The following RAB27A variants were observed in gnomAD, a reference collection of about 807,000 sequenced individuals.
RAB27A encodes RAB27A, member RAS oncogene family.
In RAB27A, 17 loss-of-function variants were observed where a neutral mutation model predicts 20.8. The observed-to-expected ratio is 0.82, with a 90% CI of 0.56 to 1.23. The LOEUF is 1.23. Ranked by LOEUF, RAB27A falls within the 50% of genes most tolerant of loss-of-function variation. The pLI is 0.00. For synonymous variants in RAB27A, 85 were observed against 92.8 expected (o/e 0.92, Z 0.48); for missense variants, 277 against 266.7 (o/e 1.04, Z -0.27).
In RAB27A at chr15:55,225,359, G is replaced by A. The variant is rs539920567; in HGVS notation, c.344-1347C>T. Among the ~76,000 whole-genome samples, 28 of 152,260 alleles carry A rather than the reference G, an allele frequency of 1.8e-4. 1 individual carries two copies. Among genetic ancestry groups the A allele is most frequent in the Non-Finnish European group, 3.1e-4 (21 of 68,016 alleles). On this transcript the variant is annotated intron_variant, in intron 5 of 6. Transcript: ENST00000336787. ...TGCCTCAATTTCCCCATCTGTAAATGGTGATAATGATACTACTTACTTTAT... is the reference window on the plus strand; with the variant it reads ...TGCCTCAATTTCCCCATCTGTAAATAGTGATAATGATACTACTTACTTTAT...
At chr15:55,250,426 T>C (rs1271770425) in intron 2 of RAB27A, among the ~76,000 whole-genome samples, 2 of 152,254 alleles carry the variant, frequency 1.3e-5, no homozygotes, top group African/African-American at 4.8e-5. Flanking sequence ...CCTATAATTA[T>C]TAGTTGAGAA....
Position 55,234,969 on chromosome 15 carries a change from C to T in RAB27A, c.-22-13G>A, listed in dbSNP as rs1255318459. On this transcript the variant is annotated splice_polypyrimidine_tract_variant and intron_variant, in intron 2 of 6. Coordinates refer to ENST00000336787, the MANE Select transcript of RAB27A (RefSeq NM_183235.3). ...CTCAGTAGTTCACCTGTAAAATACA[C>T]ACAAAATTTTTTAATTAAAATCCAT... The T allele has an allele frequency of 2.5e-6, 4 of 1,579,462 alleles. No individual in the cohort carries two copies. The South Asian group carries it at 4.5e-5, about 18-fold the overall frequency.
At chr15:55,233,325 T>C (rs181430177) in intron 3 of RAB27A, among the ~76,000 whole-genome samples, 1 of 151,914 alleles carries the variant, frequency 6.6e-6, no homozygotes, top group East Asian at 1.9e-4. Flanking sequence ...TTGTGAAAAA[T>C]TAAGATAATT....
intron 2 of RAB27A, among the ~76,000 whole-genome samples, chr15:55,309,491 T>C (rs768293241): frequency 3.3e-5 from 5 of 152,166 alleles, no homozygotes; most frequent in Non-Finnish European, 7.4e-5. Context: ...AGTGTCCAGG[T>C]ATGAGAACTG....
At chr15:55,277,559 C>G (rs1897909644) in intron 1 of RAB27A, among the ~76,000 whole-genome samples, 1 of 152,164 alleles carries the variant, frequency 6.6e-6, no homozygotes, top group Non-Finnish European at 1.5e-5. Flanking sequence ...GCAGCTATCC[C>G]TCACCACAGT....
Position 55,301,644 on chromosome 15 carries a change from T to TA in RAB27A, c.-112+12394_-112+12395insT, listed in dbSNP as rs2054972495. 2.5e-4 allele frequency among the ~76,000 whole-genome samples: 23 copies of TA among 93,300 alleles called. 1 individual carries two copies. The highest frequency in any genetic ancestry group is 2.4e-3 in the Admixed American group (20 of 8,306). 61.2% of individuals were successfully genotyped at this position (93,300 alleles called of 152,430 possible). A position where few individuals can be genotyped will look rare whatever the true frequency, so the allele number is the denominator to read the frequency against. ...CAGAACATTTTCATCACCCTAAAAA[T>TA]CTTTTTTTTTTTTTTTTTTTGAGGC... On this transcript the variant is annotated intron_variant, in intron 2 of 5. Transcript: ENST00000563262.
chr15:55,246,057 A>C (rs1896673234), intron 2 of RAB27A, among the ~76,000 whole-genome samples: 1 of 151,958 alleles, frequency 6.6e-6, no homozygotes, highest in Admixed American at 6.6e-5. Flanking sequence ...TGGGCGACAG[A>C]GTGAGACTTC....
rs1422125619 is a variant in RAB27A at position 55,302,693 on chromosome 15, C to T, written c.-112+11346G>A. 1.9e-4 allele frequency among the ~76,000 whole-genome samples: 22 copies of T among 115,336 alleles called. 1 individual carries two copies. Among genetic ancestry groups the T allele is most frequent in the Admixed American group, 4.0e-4 (5 of 12,414 alleles). 75.7% of individuals were successfully genotyped at this position (115,336 alleles called of 152,430 possible). On this transcript the variant is annotated intron_variant, in intron 2 of 5. Transcript: ENST00000563262. Reference sequence around the variant, plus strand: ...GGAGCGTCTCTGCCCGGCCGCCCATCGTCTGAGATGTGGGGAGCGCCTCTG... The same window carrying T: ...GGAGCGTCTCTGCCCGGCCGCCCATTGTCTGAGATGTGGGGAGCGCCTCTG...
intron 5 of RAB27A, 80 bp from the exon 6 acceptor site, chr15:55,224,092 T>C: frequency 2.7e-6 from 3 of 1,105,886 alleles, no homozygotes; most frequent in Non-Finnish European, 4.0e-6. Context: ...GCAAAAGTGC[T>C]TTGAAGACTA....
At chr15:55,251,138 G>C (rs1205158296) in intron 2 of RAB27A, among the ~76,000 whole-genome samples, 1 of 152,090 alleles carries the variant, frequency 6.6e-6, no homozygotes, top group African/African-American at 2.4e-5. Flanking sequence ...CAGCTCATTT[G>C]TAAGATCTGC....
chr15:55,262,718 G>A (rs115852090), intron 2 of RAB27A, among the ~76,000 whole-genome samples: 1,712 of 148,540 alleles, frequency 0.012, 26 homozygotes, highest in African/African-American at 0.04. Flanking sequence ...CTGCAGCCTC[G>A]GCCTCCCAGG....
chr15:55,317,799 A>G, intron 1 of RAB27A: 1 of 398,120 alleles, frequency 2.5e-6, no homozygotes, highest in Non-Finnish European at 4.4e-6. Context: ...ACATTGCTGC[A>G]ACAAATACAG....
intron 3 of RAB27A, among the ~76,000 whole-genome samples, chr15:55,234,254 A>G (rs2140988513): frequency 6.6e-6 from 1 of 152,266 alleles, no homozygotes; most frequent in East Asian, 1.9e-4. Context: ...TAAATAAATA[A>G]AAGTTTCTCC....
intron 2 of RAB27A, among the ~76,000 whole-genome samples, chr15:55,260,482 C>A (rs1897234113): frequency 6.6e-6 from 1 of 152,228 alleles, no homozygotes; most frequent in Admixed American, 6.5e-5. Flanking sequence ...AAAACCTGCA[C>A]ACTGATATTT....
intron 2 of RAB27A, among the ~76,000 whole-genome samples, chr15:55,247,755 A>G (rs942850270): frequency 6.6e-6 from 1 of 152,142 alleles, no homozygotes; most frequent in Non-Finnish European, 1.5e-5. Context: ...TTAGACAAAC[A>G]TCCATGAGTT....
exon 1 of RAB27A, chr15:55,318,962 T>C (rs2055096174): frequency 2.7e-6 from 1 of 371,480 alleles, no homozygotes; most frequent in Non-Finnish European, 4.9e-6. Flanking sequence ...TCCACGTCAC[T>C]AAACTCGCTA....
At chr15:55,228,588 C>A in intron 5 of RAB27A, 21 bp downstream of exon 5, 1 of 1,529,166 alleles carries the variant, frequency 6.5e-7, no homozygotes, top group Admixed American at 1.7e-5. Flanking sequence ...TAGCAGGACA[C>A]TGGGGAACAA....
chr15:55,214,361 A>G (rs552256933), intron 6 of RAB27A, among the ~76,000 whole-genome samples: 52 of 152,256 alleles, frequency 3.4e-4, no homozygotes, highest in African/African-American at 9.4e-4. Context: ...GCATGAACCC[A>G]GGAGGTGGAG....
intron 1 of RAB27A, among the ~76,000 whole-genome samples, chr15:55,318,026 G>A (rs1287374021): frequency 6.6e-6 from 1 of 151,896 alleles, no homozygotes; most frequent in Non-Finnish European, 1.5e-5. Flanking sequence ...GTGAATTAGG[G>A]AAGGGTATAA....
Sources: gnomAD v4.1 joint callset for allele counts (sites outside exome capture counted in the v4.1 genomes callset) on GRCh38, gnomAD v4.1.1 for gene constraint, MANE v1.5 for transcripts, NCBI Gene and HGNC (gene_info 2026-07-23, HGNC 2026-07-21) for gene names.